Variants in MARK3 observed in about 807,000 individuals in gnomAD.
The protein encoded by MARK3 is MAP/microtubule affinity-regulating kinase 3.
Under a neutral mutation model 90.1 loss-of-function variants are expected in MARK3, and 46 were observed. The observed-to-expected ratio is 0.51, with a 90% CI of 0.40 to 0.65. The LOEUF (loss-of-function observed/expected upper bound fraction) is 0.65, where lower values mean the gene tolerates loss of function less well. Among genes scored for constraint, MARK3 ranks in the 30% least tolerant of loss-of-function variants. MARK3 has a pLI of 0.00. For synonymous variants in MARK3, 321 were observed against 332.6 expected, an observed-to-expected ratio of 0.97 and a Z score of 0.38; for missense variants, 818 against 947.2, an observed-to-expected ratio of 0.86 and a Z score of 1.79.
rs756054170 is a variant in MARK3, at chr14:103,500,153, G to A, written c.1872-3G>A. 1 of 1,611,014 alleles carries A rather than the reference G, an allele frequency of 6.2e-7. No homozygotes were observed. Among genetic ancestry groups the A allele is most frequent in the East Asian group, 2.2e-5 (1 of 44,882 alleles). On this transcript the variant is annotated splice_polypyrimidine_tract_variant and splice_region_variant and intron_variant, in intron 16 of 17. Coordinates refer to ENST00000429436, the MANE Select transcript of MARK3 (RefSeq NM_001128918.3). ...TCTCTGCTTCTACATTCTGTTCATT[G>A]AGGCTTCCAACTGAATATGAGAGGA... is the stretch of plus-strand genomic sequence containing the variant.
At chr14:103,468,927 C>T (rs1260425772) in intron 12 of MARK3, among the ~76,000 whole-genome samples, 3 of 151,866 alleles carry the variant, frequency 2.0e-5, no homozygotes, top group South Asian at 2.1e-4. Flanking sequence ...CCATGCCCAG[C>T]GCTAGAACTG....
chr14:103,455,013 G>GA (rs11429753), intron 5 of MARK3, among the ~76,000 whole-genome samples: 94,534 of 151,934 alleles, frequency 0.62, 30,476 homozygotes, highest in Middle Eastern at 0.75. Context: ...TTTTAATAAG[G>GA]AAAAAAGATC....
intron 14 of MARK3, among the ~76,000 whole-genome samples, chr14:103,481,081 GA>G (rs1219522458): frequency 1.3e-5 from 2 of 152,166 alleles, no homozygotes; most frequent in Non-Finnish European, 2.9e-5. Context: ...TGTCAATAAG[GA>G]GAGCATCCTA....
chr14:103,474,963 G>T, intron 12 of MARK3, 30 bp from the exon 13 acceptor site: 1 of 1,536,714 alleles, frequency 6.5e-7, no homozygotes. Flanking sequence ...ACTATATTCA[G>T]TCATTTAAAA....
chr14:103,459,223 A>G (rs2093344861), intron 6 of MARK3, among the ~76,000 whole-genome samples: 1 of 152,200 alleles, frequency 6.6e-6, no homozygotes, highest in Admixed American at 6.5e-5. Flanking sequence ...GGCTGGTGTC[A>G]CCCAGCAAGA....
intron 14 of MARK3, among the ~76,000 whole-genome samples, chr14:103,481,205 G>T (rs2141865316): frequency 6.6e-6 from 1 of 152,314 alleles, no homozygotes; most frequent in East Asian, 1.9e-4. Flanking sequence ...AGAGAAAAGA[G>T]AAGTTAGATT....
chr14:103,407,514 C>G (rs2091374819), intron 2 of MARK3, among the ~76,000 whole-genome samples: 1 of 148,264 alleles, frequency 6.7e-6, no homozygotes, highest in East Asian at 2.0e-4. Context: ...CTAACTCCCT[C>G]CTCTTGTTAT....
chr14:103,386,359 C>A, intron 1 of MARK3: 3 of 684,118 alleles, frequency 4.4e-6, no homozygotes, highest in South Asian at 1.5e-5. Flanking sequence ...CTTTGAGAGG[C>A]CAGGTTGCCG....
rs2089750305 is a variant in MARK3, at chr14:103,385,950, G to C, written c.-80G>C. The C allele has an allele frequency of 8.3e-7, 1 of 1,197,676 alleles. No individual in the cohort carries two copies. The highest frequency in any genetic ancestry group is 1.2e-6 in the Non-Finnish European group (1 of 801,860). 74.2% of individuals were successfully genotyped at this position (1,197,676 alleles called of 1,614,324 possible). ...GCCTTTTCGGAACTGCCGTGGACTC[G>C]AGGACGCTGGTCGCCGGCCTCCTAG... is the stretch of plus-strand genomic sequence containing the variant. On this transcript the variant is annotated 5_prime_UTR_variant, in exon 1 of 18. Coordinates refer to ENST00000429436, the MANE Select transcript of MARK3 (RefSeq NM_001128918.3).
chr14:103,396,530 T>C (rs2090590855), intron 1 of MARK3, among the ~76,000 whole-genome samples: 1 of 152,182 alleles, frequency 6.6e-6, no homozygotes, highest in Admixed American at 6.5e-5. Flanking sequence ...ATTAGGTGTT[T>C]ACATATGTCA....
chr14:103,496,163 G>T (rs1286469583), intron 15 of MARK3, among the ~76,000 whole-genome samples: 1 of 152,234 alleles, frequency 6.6e-6, no homozygotes, highest in Non-Finnish European at 1.5e-5. Context: ...GTTGCCATGG[G>T]CAGTGTGAAG....
chr14:103,487,195 G>A (rs2093945922), intron 14 of MARK3, among the ~76,000 whole-genome samples: 1 of 151,290 alleles, frequency 6.6e-6, no homozygotes, highest in African/African-American at 2.4e-5. Context: ...GGGATTACAG[G>A]CGTGGGCCAC....
intron 1 of MARK3, among the ~76,000 whole-genome samples, chr14:103,404,191 G>T (rs997513288): frequency 6.6e-6 from 1 of 152,104 alleles, no homozygotes; most frequent in African/African-American, 2.4e-5. Flanking sequence ...GTTAAATCAG[G>T]CTTGTTTTGA....
intron 2 of MARK3, among the ~76,000 whole-genome samples, chr14:103,411,128 G>A (rs59671094): frequency 3.9e-5 from 6 of 152,266 alleles, no homozygotes; most frequent in Non-Finnish European, 5.9e-5. Flanking sequence ...CAAAAAATTA[G>A]CTGGGCATGG....
chr14:103,396,436 A>G (rs1566762664), intron 1 of MARK3, among the ~76,000 whole-genome samples: 1 of 151,732 alleles, frequency 6.6e-6, no homozygotes, highest in Non-Finnish European at 1.5e-5. Context: ...CTTATGCCTT[A>G]TATTTTTTTC....
intron 2 of MARK3, among the ~76,000 whole-genome samples, chr14:103,413,554 C>G (rs1354794076): frequency 2.0e-5 from 3 of 151,344 alleles, no homozygotes; most frequent in African/African-American, 7.3e-5. Context: ...TCCCCAGTAG[C>G]TGGGACCACA....
chr14:103,399,258 G>A (rs937460064), intron 1 of MARK3, among the ~76,000 whole-genome samples: 1 of 152,056 alleles, frequency 6.6e-6, no homozygotes, highest in Non-Finnish European at 1.5e-5. Flanking sequence ...TTATATGTGG[G>A]CAAAATTAAG....
At chr14:103,424,490 C>T (rs988765181) in intron 2 of MARK3, among the ~76,000 whole-genome samples, 2 of 150,850 alleles carry the variant, frequency 1.3e-5, no homozygotes, top group Admixed American at 6.6e-5. Flanking sequence ...CATGTCACTG[C>T]ACTCCACCCT....
chr14:103,444,989 G>A (rs551771395), intron 3 of MARK3, among the ~76,000 whole-genome samples: 2 of 152,242 alleles, frequency 1.3e-5, no homozygotes, highest in East Asian at 3.9e-4. Context: ...TCACTTGTAT[G>A]CAAATTGTCA....
Sources: allele counts gnomAD v4.1 joint callset (sites outside exome capture counted in the v4.1 genomes callset), GRCh38; gene constraint gnomAD v4.1.1; transcripts MANE v1.5; gene names NCBI Gene and HGNC (gene_info 2026-07-23, HGNC 2026-07-21).